Variants in BBS7 observed in about 807,000 individuals in gnomAD.
BBS7 encodes the protein BBSome complex member BBS7.
In BBS7, 50 loss-of-function variants were observed where a neutral mutation model predicts 90.3. That is an observed-to-expected ratio of 0.55 (90% confidence interval 0.44 to 0.70). BBS7 has a LOEUF of 0.70. BBS7 is among the 30% of genes least tolerant of loss of function. The probability of loss-of-function intolerance (pLI) is 0.00; values close to 1 mark genes in which losing one functional copy is unlikely to be tolerated. For synonymous variants in BBS7, 235 were observed against 287.4 expected (o/e 0.82, Z 1.85); for missense variants, 729 against 838.9 (o/e 0.87, Z 1.62).
intron 13 of BBS7, among the ~76,000 whole-genome samples, chr4:121,835,688 G>T (rs1004239500): frequency 1.3e-5 from 2 of 152,032 alleles, no homozygotes; most frequent in African/African-American, 2.4e-5. Context: ...ACAAAAAATA[G>T]ATCTGATAAA....
chr4:121,838,696 C>T (rs1725582802), intron 13 of BBS7, among the ~76,000 whole-genome samples: 1 of 151,830 alleles, frequency 6.6e-6, no homozygotes, highest in South Asian at 2.1e-4. Context: ...CAGGACCAGC[C>T]TGGCCAACGT....
Position 121,863,336 on chromosome 4 carries a change from T to G in BBS7, c.103-57A>C, listed in dbSNP as rs571187331. On this transcript the variant is annotated intron_variant, in intron 2 of 18. Coordinates refer to ENST00000264499, the MANE Select transcript of BBS7 (RefSeq NM_176824.3). ...TATTATTAATATTATGACCTAATAA[T>G]TATATACAGGGAAAGCAAGATTCTT... 9 of 1,413,234 alleles carry G rather than the reference T, an allele frequency of 6.4e-6. No individual in the cohort carries two copies. The South Asian group carries it at 9.5e-5, about 15-fold the overall frequency. The allele number at this position is 1,413,234 out of a possible 1,614,324, so 87.5% of individuals were successfully genotyped here.
intron 4 of BBS7, among the ~76,000 whole-genome samples, chr4:121,861,105 T>C (rs1726951438): frequency 6.6e-6 from 1 of 152,206 alleles, no homozygotes; most frequent in Non-Finnish European, 1.5e-5. Context: ...GAGTCTTACC[T>C]GATATACCTG....
At chr4:121,833,834 C>T (rs1462135798) in intron 14 of BBS7, among the ~76,000 whole-genome samples, 2 of 151,912 alleles carry the variant, frequency 1.3e-5, no homozygotes, top group East Asian at 1.9e-4. Flanking sequence ...TGAGCCACCA[C>T]GTCCAGCCCT....
chr4:121,839,510 C>G (rs1725618268), intron 13 of BBS7, 121 bp downstream of exon 13: 1 of 864,898 alleles, frequency 1.2e-6, no homozygotes. Context: ...ATTCATTACT[C>G]CAAACAATTC....
intron 2 of BBS7, 68 bp downstream of exon 2, chr4:121,867,909 TAAAG>T (rs1426464140): frequency 2.3e-6 from 3 of 1,282,608 alleles, no homozygotes; most frequent in East Asian, 2.3e-5. Context: ...AACTTAATAA[TAAAG>T]AAGGAAATAG....
In BBS7 at chr4:121,845,659, C is replaced by T; in HGVS notation, c.1075G>A (p.Glu359Lys). The change falls in exon 11 of 19, where the codon GAA (glutamate) becomes AAA (lysine). Residue 359 changes from glutamate to lysine, a missense_variant. Coordinates refer to ENST00000264499, the MANE Select transcript of BBS7 (RefSeq NM_176824.3). ...LEHLQYKVLQ[E>K]RENYQQSSQS... ...GAAGACTGTTGATAATTCTCTCTTT[C>T]CTGCAATACCTTATACTGCAAATGT... is the stretch of plus-strand genomic sequence containing the variant. 1 of 1,613,210 alleles carries T rather than the reference C, an allele frequency of 6.2e-7. No individual in the cohort carries two copies. Among genetic ancestry groups the T allele is most frequent in the Non-Finnish European group, 8.5e-7 (1 of 1,179,474 alleles).
Position 121,845,590 on chromosome 4 carries a change from T to A in BBS7, c.1144A>T (p.Asn382Tyr). The A allele has an allele frequency of 6.2e-7, 1 of 1,612,932 alleles. No individual in the cohort carries two copies. The highest frequency in any genetic ancestry group is 8.5e-7 in the Non-Finnish European group (1 of 1,179,214). Reference sequence around the variant, plus strand: ...TCTTTATTTAGTGTAAATTTATCATTTATACCAAAGGAAGGTACTGCTGAT... The same window carrying A: ...TCTTTATTTAGTGTAAATTTATCATATATACCAAAGGAAGGTACTGCTGAT... ...AKSAVPSFGI[N>Y]DKFTLNKDDA... The change falls in exon 11 of 19, where the codon AAT becomes TAT. Residue 382 changes from asparagine (N) to tyrosine (Y), a missense_variant. Physicochemically the swap from Asn to Tyr is moderately radical, Grantham distance 143. Transcript: ENST00000264499.
chr4:121,843,878 C>G, intron 12 of BBS7, 49 bp downstream of exon 12: 1 of 1,218,278 alleles, frequency 8.2e-7, no homozygotes, highest in Non-Finnish European at 1.2e-6. Context: ...ATCAAAATGG[C>G]ATAATAGAAA....
intron 5 of BBS7, 90 bp from the exon 6 acceptor site, chr4:121,855,651 C>T (rs1726571275): frequency 8.9e-7 from 1 of 1,117,690 alleles, no homozygotes; most frequent in South Asian, 1.3e-5. Context: ...AAATACAGTA[C>T]TCTTAGTAAC....
At chr4:121,826,092 C>CTGTA in intron 18 of BBS7, 99 bp from the exon 19 acceptor site, 1 of 988,512 alleles carries the variant, frequency 1.0e-6, no homozygotes, top group South Asian at 1.5e-5. Flanking sequence ...TTTTAAGCAC[C>CTGTA]TGTAATTCCA....
chr4:121,836,202 A>T (rs887930591), intron 13 of BBS7, among the ~76,000 whole-genome samples: 1 of 152,202 alleles, frequency 6.6e-6, no homozygotes, highest in Non-Finnish European at 1.5e-5. Flanking sequence ...AGCTAGGAAG[A>T]TCTAATTTAA....
intron 3 of BBS7, among the ~76,000 whole-genome samples, chr4:121,862,439 C>T (rs1727032995): frequency 6.6e-6 from 1 of 152,048 alleles, no homozygotes; most frequent in African/African-American, 2.4e-5. Context: ...TTATTCTCTT[C>T]ATCTTTCTGG....
Position 121,827,979 on chromosome 4 carries a change from C to G in BBS7, c.2014+167G>C. On this transcript the variant is annotated intron_variant, in intron 18 of 18. Coordinates refer to ENST00000264499, the MANE Select transcript of BBS7 (RefSeq NM_176824.3). ...ATATTAAAAGTAGCTTGACAAAATA[C>G]AGAAATATTCTGTGCAATAAATTTG... 3 of 1,432,516 alleles carry G rather than the reference C, an allele frequency of 2.1e-6. No individual in the cohort carries two copies. The South Asian group carries it at 5.1e-5, about 24-fold the overall frequency. 88.7% of individuals were successfully genotyped at this position (1,432,516 alleles called of 1,614,324 possible).
Position 121,824,651 on chromosome 4 carries a change from T to C in BBS7, c.*1209A>G, listed in dbSNP as rs1724825807. The C allele has an allele frequency of 1.3e-5, 2 of 152,070 alleles. No homozygotes were observed. 9.4% of individuals were successfully genotyped at this position (152,070 alleles called of 1,614,324 possible). A position where few individuals can be genotyped will look rare whatever the true frequency, so the allele number is the denominator to read the frequency against. On this transcript the variant is annotated 3_prime_UTR_variant, in exon 19 of 19. Coordinates refer to ENST00000264499, the MANE Select transcript of BBS7 (RefSeq NM_176824.3). This position sits in a 1 kb window ranked among gnomAD's most constrained non-coding sequence, Gnocchi z 4.1. The stretch of plus-strand genomic sequence containing the variant: ...CTGTGGCAACCAACAAAAAACACAA[T>C]GACGTTCTAGTGACCTAGATATAAT...
chr4:121,845,501 T>C lies in BBS7; in HGVS notation c.1230+3A>G, dbSNP rs1725959964. 2 of 1,608,054 alleles carry C rather than the reference T, an allele frequency of 1.2e-6. No homozygotes were observed. Among genetic ancestry groups the C allele is most frequent in the Admixed American group, 3.3e-5 (2 of 59,858 alleles). On this transcript the variant is annotated splice_donor_region_variant and intron_variant, in intron 11 of 18. Coordinates refer to ENST00000264499, the MANE Select transcript of BBS7 (RefSeq NM_176824.3). Reference sequence around the variant, plus strand: ...AAACTAAGAAATTAGACATTTTGCTTACCTGTATTAAGACATTATCTATTG... The same window carrying C: ...AAACTAAGAAATTAGACATTTTGCTCACCTGTATTAAGACATTATCTATTG...
At chr4:121,861,336 C>T in intron 4 of BBS7, 168 bp downstream of exon 4, 1 of 610,774 alleles carries the variant, frequency 1.6e-6, no homozygotes. Context: ...ATTTCAACAA[C>T]CAATTTAATA....
intron 7 of BBS7, among the ~76,000 whole-genome samples, chr4:121,854,138 C>T (rs1384544977): frequency 6.6e-6 from 1 of 152,128 alleles, no homozygotes; most frequent in Non-Finnish European, 1.5e-5. Flanking sequence ...TAATACACAG[C>T]CCTGTTTTAT....
intron 8 of BBS7, among the ~76,000 whole-genome samples, chr4:121,849,569 C>G (rs989066338): frequency 7.0e-6 from 1 of 143,122 alleles, no homozygotes; most frequent in African/African-American, 2.5e-5. Context: ...TGGCTCACAC[C>G]TGTAATCCCA....
Sources: allele counts gnomAD v4.1 joint callset (sites outside exome capture counted in the v4.1 genomes callset), GRCh38; gene constraint gnomAD v4.1.1; non-coding constraint Gnocchi (gnomAD v3.1); transcripts MANE v1.5; gene names NCBI Gene and HGNC (gene_info 2026-07-23, HGNC 2026-07-21).